The following GALNT17 variants were observed in gnomAD, a reference collection of about 807,000 sequenced individuals.
GALNT17 encodes the protein polypeptide N-acetylgalactosaminyltransferase 17.
In GALNT17, 29 loss-of-function variants were observed where a neutral mutation model predicts 63.7. That is an observed-to-expected ratio of 0.46 (90% CI 0.34 to 0.62). The LOEUF (loss-of-function observed/expected upper bound fraction) is 0.62, where lower values mean the gene tolerates loss of function less well. Ranked by LOEUF, GALNT17 falls within the 20% of genes least tolerant of loss-of-function variation. The pLI, the probability that GALNT17 is intolerant of heterozygous loss-of-function variation, is 0.01. For missense variants in GALNT17, 603 were observed against 799.6 expected (o/e 0.75, Z 2.97); for synonymous variants, 305 against 318.3 (o/e 0.96, Z 0.45).
intron 6 of GALNT17, among the ~76,000 whole-genome samples, chr7:71,639,555 G>T (rs1047471627): frequency 1.3e-5 from 2 of 152,150 alleles, no homozygotes; most frequent in Admixed American, 6.5e-5. Context: ...CGCCTCCAGG[G>T]AGTGAAGCTG....
chr7:71,327,815 T>C (rs1416089157), intron 1 of GALNT17, among the ~76,000 whole-genome samples: 1 of 152,138 alleles, frequency 6.6e-6, no homozygotes, highest in Admixed American at 6.5e-5. Context: ...AATGCAAGGA[T>C]AGCTGTAAAC....
chr7:71,388,090 C>G, intron 2 of GALNT17, 145 bp from the exon 3 acceptor site: 1 of 789,400 alleles, frequency 1.3e-6, no homozygotes, highest in African/African-American at 1.7e-5. Context: ...CAGTTCTTAG[C>G]CAAGGAGAAG....
At chr7:71,179,842 C>T (rs1788704627) in intron 1 of GALNT17, among the ~76,000 whole-genome samples, 1 of 152,204 alleles carries the variant, frequency 6.6e-6, no homozygotes. Context: ...CTCCTGTCTA[C>T]TTTCTGCCTG....
chr7:71,520,538 A>C (rs1788514367), intron 5 of GALNT17, among the ~76,000 whole-genome samples: 3 of 151,986 alleles, frequency 2.0e-5, no homozygotes, highest in Admixed American at 6.6e-5. Context: ...AAAAAGAAAA[A>C]ACAGAAGGTG....
At position 71,689,061 on chromosome 7, in the gene GALNT17, A is replaced by G. The variant is rs146931432; in HGVS notation, c.1500+11755A>G. Among the ~76,000 whole-genome samples, 629 of 152,228 alleles carry G rather than the reference A, an allele frequency of 4.1e-3. 20 individuals carry two copies. Among genetic ancestry groups the G allele is most frequent in the Admixed American group, 0.029 (447 of 15,272 alleles). On this transcript the variant is annotated intron_variant, in intron 9 of 10. Coordinates refer to ENST00000333538, the MANE Select transcript of GALNT17 (RefSeq NM_022479.3). ...TGTGATCAGTATCTTTGATGTTACT[A>G]TTGTAATTATTCGGGGCACTATGAG...
chr7:71,359,966 G>T (rs1373334446), intron 2 of GALNT17, among the ~76,000 whole-genome samples: 1 of 152,114 alleles, frequency 6.6e-6, no homozygotes, highest in Admixed American at 6.6e-5. Flanking sequence ...GTTTTAAGTG[G>T]GGAGATACTA....
At chr7:71,344,794 C>T (rs568742258) in intron 2 of GALNT17, among the ~76,000 whole-genome samples, 1 of 152,174 alleles carries the variant, frequency 6.6e-6, no homozygotes, top group South Asian at 2.1e-4. Context: ...AAGGACTAAG[C>T]AGGGATAAGG....
intron 5 of GALNT17, among the ~76,000 whole-genome samples, chr7:71,441,062 C>T (rs984770782): frequency 8.6e-5 from 13 of 151,244 alleles, no homozygotes; most frequent in African/African-American, 2.4e-4. Context: ...CTTGCTCTTC[C>T]GCCAGGCTGC....
intron 5 of GALNT17, among the ~76,000 whole-genome samples, chr7:71,536,794 A>G (rs1788809525): frequency 6.6e-6 from 1 of 152,200 alleles, no homozygotes; most frequent in African/African-American, 2.4e-5. Flanking sequence ...GATAAGTTCC[A>G]AGTGGCTTGA....
intron 1 of GALNT17, among the ~76,000 whole-genome samples, chr7:71,273,880 T>C (rs1200538539): frequency 6.6e-6 from 1 of 150,998 alleles, no homozygotes; most frequent in Non-Finnish European, 1.5e-5. Flanking sequence ...AGAGAGAGAA[T>C]GAGAGACACA....
At chr7:71,187,970 C>A (rs887407072) in intron 1 of GALNT17, among the ~76,000 whole-genome samples, 1 of 152,182 alleles carries the variant, frequency 6.6e-6, no homozygotes, top group Non-Finnish European at 1.5e-5. Context: ...TGAGAACATA[C>A]AATGTTTGGT....
At chr7:71,617,747 C>T (rs1020543248) in intron 6 of GALNT17, among the ~76,000 whole-genome samples, 3 of 151,102 alleles carry the variant, frequency 2.0e-5, no homozygotes, top group Admixed American at 6.6e-5. Flanking sequence ...GGTTCAAGCA[C>T]TTCCCCTGCC....
At chr7:71,327,343 C>T (rs574594120) in intron 1 of GALNT17, among the ~76,000 whole-genome samples, 1 of 152,262 alleles carries the variant, frequency 6.6e-6, no homozygotes, top group South Asian at 2.1e-4. Flanking sequence ...TCTTACATGG[C>T]AGCAGACAAG....
chr7:71,610,403 A>C (rs1256955337), intron 6 of GALNT17, among the ~76,000 whole-genome samples: 2 of 152,038 alleles, frequency 1.3e-5, no homozygotes, highest in Non-Finnish European at 2.9e-5. Flanking sequence ...TGGCAGGATC[A>C]CTTGAACCCA....
chr7:71,628,978 A>G (rs543261057), intron 6 of GALNT17, among the ~76,000 whole-genome samples: 1 of 152,218 alleles, frequency 6.6e-6, no homozygotes, highest in East Asian at 1.9e-4. Context: ...TTGCATCTGA[A>G]CCACTGTTCA....
intron 5 of GALNT17, among the ~76,000 whole-genome samples, chr7:71,502,171 T>C (rs1460426304): frequency 1.3e-5 from 2 of 152,238 alleles, no homozygotes; most frequent in Non-Finnish European, 2.9e-5. Context: ...TCTACTCTCT[T>C]GCCCCTTATG....
At chr7:71,490,443 A>C (rs938525991) in intron 5 of GALNT17, among the ~76,000 whole-genome samples, 1 of 151,994 alleles carries the variant, frequency 6.6e-6, no homozygotes, top group African/African-American at 2.4e-5. Context: ...GACCCCCTTA[A>C]GTGTTTGTTG....
chr7:71,524,257 A>G (rs1304730227), intron 5 of GALNT17, among the ~76,000 whole-genome samples: 6 of 147,606 alleles, frequency 4.1e-5, no homozygotes, highest in African/African-American at 1.2e-4. Context: ...AATATATATT[A>G]TATTATATAT....
intron 1 of GALNT17, among the ~76,000 whole-genome samples, chr7:71,248,523 G>A (rs1228341543): frequency 6.6e-6 from 1 of 152,068 alleles, no homozygotes; most frequent in Non-Finnish European, 1.5e-5. Context: ...GACCTGAAAG[G>A]AACATACAGA....
Sources: gnomAD v4.1 joint callset for allele counts (sites outside exome capture counted in the v4.1 genomes callset) on GRCh38, gnomAD v4.1.1 for gene constraint, MANE v1.5 for transcripts, NCBI Gene and HGNC (gene_info 2026-07-23, HGNC 2026-07-21) for gene names.